Variants in PPARGC1A observed in about 807,000 individuals in gnomAD.
PPARGC1A encodes peroxisome proliferator-activated receptor gamma coactivator 1-alpha.
A neutral mutation model predicts 88.7 loss-of-function variants in PPARGC1A; 25 were observed. That is an observed-to-expected ratio of 0.28 (90% CI 0.21 to 0.39). PPARGC1A has a LOEUF of 0.39. PPARGC1A is among the 10% of genes least tolerant of loss of function. PPARGC1A has a pLI of 1.00. For synonymous variants in PPARGC1A, 363 were observed against 355.6 expected, an observed-to-expected ratio of 1.02 and a Z score of -0.24; for missense variants, 880 against 968.7, an observed-to-expected ratio of 0.91 and a Z score of 1.22.
chr4:24,156,386 G>C, the PPARGC1A span, among the ~76,000 whole-genome samples: 1 of 151,394 alleles, frequency 6.6e-6, no homozygotes, highest in Non-Finnish European at 1.5e-5. Context: ...TCTTACTAAA[G>C]CTGGCAAGTG....
chr4:23,965,363 CTA>C, the PPARGC1A span, among the ~76,000 whole-genome samples: 1 of 152,182 alleles, frequency 6.6e-6, no homozygotes, highest in Admixed American at 6.5e-5. Flanking sequence ...ATGCTTGACA[CTA>C]TGTCTGGCCC....
the PPARGC1A span, among the ~76,000 whole-genome samples, chr4:23,952,274 C>T: frequency 6.6e-6 from 1 of 152,174 alleles, no homozygotes; most frequent in East Asian, 1.9e-4. Context: ...TTTCTCCCCA[C>T]TCCCTCCCCA....
intron 7 of PPARGC1A, chr4:23,820,530 G>A (rs1413546174): frequency 3.0e-6 from 1 of 332,532 alleles, no homozygotes; most frequent in Non-Finnish European, 6.2e-6. Context: ...GTAGCACTCT[G>A]AAAATCTCCA....
the PPARGC1A span, among the ~76,000 whole-genome samples, chr4:23,988,588 A>G: frequency 6.6e-6 from 1 of 152,056 alleles, no homozygotes; most frequent in African/African-American, 2.4e-5. Flanking sequence ...ATTTCAGTGT[A>G]CTGAAGATTA....
upstream of PPARGC1A, among the ~76,000 whole-genome samples, chr4:23,892,691 C>T (rs2148861009): frequency 6.6e-6 from 1 of 152,150 alleles, no homozygotes; most frequent in East Asian, 1.9e-4. Context: ...GCCCTCCTTT[C>T]ACCCCTTCGT....
the PPARGC1A span, among the ~76,000 whole-genome samples, chr4:24,035,466 G>T: frequency 6.6e-6 from 1 of 152,048 alleles, no homozygotes; most frequent in Non-Finnish European, 1.5e-5. Flanking sequence ...GTTTGAACCT[G>T]GGAGAAGGAG....
the PPARGC1A span, among the ~76,000 whole-genome samples, chr4:24,337,957 G>C: frequency 6.6e-6 from 1 of 152,248 alleles, no homozygotes; most frequent in South Asian, 2.1e-4. Flanking sequence ...GCTTTGTCCT[G>C]CAGGGGTGGC....
the PPARGC1A span, among the ~76,000 whole-genome samples, chr4:23,980,639 G>A: frequency 6.6e-6 from 1 of 152,094 alleles, no homozygotes; most frequent in Non-Finnish European, 1.5e-5. Context: ...AAGCAACCAG[G>A]AGCAATGCCC....
the PPARGC1A span, among the ~76,000 whole-genome samples, chr4:23,985,186 A>C: frequency 2.0e-5 from 3 of 152,110 alleles, no homozygotes; most frequent in Admixed American, 2.0e-4. Context: ...AGTTCTGAAG[A>C]CTACCAAACA....
chr4:24,010,476 G>A, the PPARGC1A span, among the ~76,000 whole-genome samples: 3 of 151,912 alleles, frequency 2.0e-5, no homozygotes, highest in South Asian at 2.1e-4. Context: ...ATTAAATGCC[G>A]ACCATATTCC....
the PPARGC1A span, among the ~76,000 whole-genome samples, chr4:24,206,646 A>G: frequency 2.3e-4 from 35 of 152,074 alleles, no homozygotes; most frequent in Admixed American, 5.2e-4. Flanking sequence ...AGCCTGGCCA[A>G]CATGGTGAAA....
At chr4:24,171,559 C>T in the PPARGC1A span, among the ~76,000 whole-genome samples, 2 of 152,136 alleles carry the variant, frequency 1.3e-5, no homozygotes, top group Non-Finnish European at 2.9e-5. Flanking sequence ...GAACGGACTC[C>T]ATGAGATTAG....
chr4:24,088,296 A>G, the PPARGC1A span, among the ~76,000 whole-genome samples: 10 of 152,260 alleles, frequency 6.6e-5, no homozygotes, highest in South Asian at 1.5e-3. Flanking sequence ...TAGAGGCTGC[A>G]GTGAGCCATG....
chr4:24,119,478 G>A, the PPARGC1A span, among the ~76,000 whole-genome samples: 1 of 152,146 alleles, frequency 6.6e-6, no homozygotes, highest in Non-Finnish European at 1.5e-5. Context: ...CAGTCAAACT[G>A]TCAGGATATC....
the PPARGC1A span, among the ~76,000 whole-genome samples, chr4:24,240,763 C>A: frequency 1.3e-5 from 2 of 152,024 alleles, no homozygotes; most frequent in African/African-American, 4.8e-5. Flanking sequence ...TCAGATATAC[C>A]CTTGGCCCTA....
chr4:24,315,566 A>G, the PPARGC1A span, among the ~76,000 whole-genome samples: 8 of 152,192 alleles, frequency 5.3e-5, no homozygotes, highest in African/African-American at 1.4e-4. Context: ...TGCCCAAGCC[A>G]AAGTTTCACA....
At chr4:24,332,489 A>C in the PPARGC1A span, among the ~76,000 whole-genome samples, 1 of 152,228 alleles carries the variant, frequency 6.6e-6, no homozygotes, top group African/African-American at 2.4e-5. Flanking sequence ...ATCCTCAATA[A>C]ACACTTGTTG....
the PPARGC1A span, among the ~76,000 whole-genome samples, chr4:24,161,963 C>T: frequency 0.067 from 140 of 2,094 alleles, no homozygotes; most frequent in African/African-American, 0.3. Context: ...TTGTGATATA[C>T]ACACACACAC....
chr4:24,141,063 A>G, the PPARGC1A span, among the ~76,000 whole-genome samples: 5,914 of 152,344 alleles, frequency 0.039, 393 homozygotes, highest in African/African-American at 0.13. Flanking sequence ...ACAGGCTTCG[A>G]ACAGCCATAA....
Sources: gnomAD v4.1 joint callset for allele counts (sites outside exome capture counted in the v4.1 genomes callset) on GRCh38, gnomAD v4.1.1 for gene constraint, MANE v1.5 for transcripts, NCBI Gene and HGNC (gene_info 2026-07-23, HGNC 2026-07-21) for gene names.